The following MBNL2 variants were observed in gnomAD, a reference collection of about 807,000 sequenced individuals.
The protein encoded by MBNL2 is muscleblind like splicing regulator 2, also known as muscleblind-like protein 2.
MBNL2 carries 17 observed loss-of-function variants against 41.9 expected under a neutral mutation model. That is an observed-to-expected ratio of 0.41 (90% CI 0.28 to 0.61). The LOEUF is 0.61. MBNL2 is among the 20% of genes least tolerant of loss of function. The probability of loss-of-function intolerance (pLI) is 0.35; values close to 1 mark genes in which losing one functional copy is unlikely to be tolerated. For missense variants in MBNL2, 336 were observed against 505.6 expected (o/e 0.66, Z 3.22); for synonymous variants, 195 against 182.9 (o/e 1.07, Z -0.53).
chr13:97,335,486 C>T (rs537367863), intron 3 of MBNL2, among the ~76,000 whole-genome samples: 2 of 152,150 alleles, frequency 1.3e-5, no homozygotes, highest in South Asian at 4.2e-4. Flanking sequence ...GAGGGCAGGG[C>T]CTGCCCAAAG....
At chr13:97,216,776 T>C (rs974901111), upstream of MBNL2, among the ~76,000 whole-genome samples, 8 of 152,194 alleles carry the variant, frequency 5.3e-5, no homozygotes, top group African/African-American at 1.9e-4. Context: ...AACTGCATTG[T>C]GCCTTTCAGC....
upstream of MBNL2, chr13:97,221,480 T>A (rs1167588779): frequency 6.6e-6 from 1 of 152,220 alleles, no homozygotes; most frequent in Admixed American, 6.5e-5. Flanking sequence ...GAATGGCACC[T>A]CATGGGGGCC....
intron 1 of MBNL2, among the ~76,000 whole-genome samples, chr13:97,248,887 A>G (rs1360436400): frequency 1.3e-5 from 2 of 152,196 alleles, no homozygotes; most frequent in Non-Finnish European, 2.9e-5. Context: ...TGCCAAGTCT[A>G]TGGAAAATGT....
chr13:97,204,716 A>C, the MBNL2 span, among the ~76,000 whole-genome samples: 2 of 152,082 alleles, frequency 1.3e-5, no homozygotes, highest in Non-Finnish European at 2.9e-5. Flanking sequence ...TTGCGGCCCA[A>C]TCCATTTTGG....
chr13:97,213,513 C>T, the MBNL2 span, among the ~76,000 whole-genome samples: 1 of 152,186 alleles, frequency 6.6e-6, no homozygotes, highest in African/African-American at 2.4e-5. Flanking sequence ...TCGGTAAAAA[C>T]ACACATTTAA....
the MBNL2 span, among the ~76,000 whole-genome samples, chr13:97,159,655 A>T: frequency 6.7e-6 from 1 of 149,174 alleles, no homozygotes; most frequent in South Asian, 2.1e-4. Flanking sequence ...TTCACTTATG[A>T]AGCTTAGTTT....
intron 8 of MBNL2, among the ~76,000 whole-genome samples, chr13:97,387,906 T>C (rs2066059562): frequency 6.6e-6 from 1 of 152,042 alleles, no homozygotes; most frequent in Admixed American, 6.6e-5. Flanking sequence ...AGACCCCCAA[T>C]GTGGTGGCTG....
intron 1 of MBNL2, among the ~76,000 whole-genome samples, chr13:97,250,350 C>G (rs1461064240): frequency 6.6e-6 from 1 of 152,202 alleles, no homozygotes; most frequent in African/African-American, 2.4e-5. Context: ...TTGGTTTCCT[C>G]TCATTCCTTT....
chr13:97,295,865 G>C (rs2056932696), intron 2 of MBNL2, among the ~76,000 whole-genome samples: 1 of 152,162 alleles, frequency 6.6e-6, no homozygotes, highest in Admixed American at 6.6e-5. Flanking sequence ...TTAAGGTATA[G>C]AACAAAGTTT....
the MBNL2 span, among the ~76,000 whole-genome samples, chr13:97,148,258 A>T: frequency 6.6e-6 from 1 of 152,170 alleles, no homozygotes; most frequent in East Asian, 1.9e-4. Flanking sequence ...GTAGCTCTGC[A>T]TTTCTTAGCT....
intron 5 of MBNL2, among the ~76,000 whole-genome samples, chr13:97,349,699 A>C (rs565119735): frequency 6.6e-6 from 1 of 152,076 alleles, no homozygotes; most frequent in South Asian, 2.1e-4. Flanking sequence ...AGCTAATTTT[A>C]TATTTTTAGT....
upstream of MBNL2, among the ~76,000 whole-genome samples, chr13:97,220,307 C>T (rs940083295): frequency 9.9e-5 from 15 of 152,164 alleles, no homozygotes; most frequent in Non-Finnish European, 2.2e-4. Flanking sequence ...CTACAGAAGA[C>T]TACATTGTTA....
chr13:97,391,416 C>A lies in MBNL2; in HGVS notation c.1143C>A (p.Ser381=). The change falls in exon 9 of 9, where the codon TCC becomes TCA. Residue 381 remains serine (S), a synonymous_variant. Transcript: ENST00000679496. Reference sequence around the variant, plus strand: ...GTTACTGTACATACTATCCTGTTTCCTCCTCAATAGAATTGCCACAAACTG... The same window carrying A: ...GTTACTGTACATACTATCCTGTTTCATCCTCAATAGAATTGCCACAAACTG... ...KHCYCTYYPV[S]SSIELPQTAC 6.6e-7 allele frequency: 1 copy of A among 1,526,322 alleles called. No homozygotes were observed. The highest frequency in any genetic ancestry group is 9.1e-7 in the Non-Finnish European group (1 of 1,100,390). The allele number at this position is 1,526,322 out of a possible 1,614,324, so 94.5% of individuals were successfully genotyped here.
At chr13:97,189,174 G>A in the MBNL2 span, among the ~76,000 whole-genome samples, 7 of 151,982 alleles carry the variant, frequency 4.6e-5, no homozygotes, top group East Asian at 1.9e-4. Context: ...GATTATAGGC[G>A]TTAGCCACTG....
In MBNL2 at chr13:97,276,010, T is replaced by G. The variant is rs1487659738; in HGVS notation, c.-226T>G. 13 of 445,850 alleles carry G rather than the reference T, an allele frequency of 2.9e-5. No individual in the cohort carries two copies. The South Asian group carries it at 4.5e-4, about 15-fold the overall frequency. The allele number at this position is 445,850 out of a possible 1,614,324, so 27.6% of individuals were successfully genotyped here. ...GCCAGAGATGACACTGAGCATGCTTTTATTGCGGCCTACCATCTTTAAGTG... is the reference window on the plus strand; with the variant it reads ...GCCAGAGATGACACTGAGCATGCTTGTATTGCGGCCTACCATCTTTAAGTG... On this transcript the variant is annotated 5_prime_UTR_variant, in exon 2 of 9. Coordinates refer to ENST00000679496, the MANE Select transcript of MBNL2 (RefSeq NM_001382683.1).
chr13:97,328,514 G>T (rs1042959391), intron 2 of MBNL2, among the ~76,000 whole-genome samples: 7 of 152,184 alleles, frequency 4.6e-5, no homozygotes, highest in African/African-American at 1.7e-4. Context: ...AGCAAGTGCT[G>T]CCAAGGTGGC....
intron 8 of MBNL2, among the ~76,000 whole-genome samples, chr13:97,375,211 T>TG (rs2064852392): frequency 6.6e-6 from 1 of 152,202 alleles, no homozygotes; most frequent in African/African-American, 2.4e-5. Context: ...GGCATTCCTC[T>TG]GGGGTGACAT....
chr13:97,291,917 A>AAAAAAAAAAAAAAAGTGGGCTGGGTGCG (rs398070410), intron 2 of MBNL2, among the ~76,000 whole-genome samples: 1 of 125,308 alleles, frequency 8.0e-6, no homozygotes, highest in African/African-American at 3.1e-5. Context: ...AAAAAAAAAA[A>AAAAAAAAAAAAAAAGTGGGCTGGGTGCG]GTGGGCTGGG....
intron 2 of MBNL2, among the ~76,000 whole-genome samples, chr13:97,289,155 C>T (rs2055283362): frequency 6.6e-6 from 1 of 152,060 alleles, no homozygotes; most frequent in Non-Finnish European, 1.5e-5. Context: ...TAATTTTTTA[C>T]TGAATACTGA....
Sources: allele counts gnomAD v4.1 joint callset (sites outside exome capture counted in the v4.1 genomes callset), GRCh38; gene constraint gnomAD v4.1.1; transcripts MANE v1.5; gene names NCBI Gene and HGNC (gene_info 2026-07-23, HGNC 2026-07-21).